Variants in SMG6 observed in about 807,000 individuals in gnomAD.
SMG6 encodes the protein SMG6 nonsense mediated mRNA decay factor.
In SMG6, 66 loss-of-function variants were observed where a neutral mutation model predicts 142.2. The ratio of observed to expected loss-of-function variants is 0.46; its 90% CI spans 0.38 to 0.57. The LOEUF (loss-of-function observed/expected upper bound fraction) is 0.57. Among genes scored for constraint, SMG6 ranks in the 20% least tolerant of loss-of-function variants. SMG6 has a pLI of 0.00. For synonymous variants in SMG6, 779 were observed against 702.4 expected, an observed-to-expected ratio of 1.11 and a Z score of -1.72; for missense variants, 1,793 against 1,832.0, an observed-to-expected ratio of 0.98 and a Z score of 0.39.
intron 15 of SMG6, 115 bp from the exon 16 acceptor site, chr17:2,069,046 C>T (rs767979769): frequency 4.0e-5 from 41 of 1,033,022 alleles, no homozygotes; most frequent in Non-Finnish European, 5.7e-5. Flanking sequence ...TCTTCCCCTC[C>T]ACAGTAATAA....
At chr17:2,093,479 G>A (rs2068777822) in intron 13 of SMG6, among the ~76,000 whole-genome samples, 2 of 152,110 alleles carry the variant, frequency 1.3e-5, no homozygotes, top group Non-Finnish European at 2.9e-5. Context: ...AGATGCCTGG[G>A]CCCAGTAGGT....
chr17:2,299,392 C>A lies in SMG6; in HGVS notation c.1361G>T (p.Arg454Leu), dbSNP rs569275000. 25 of 1,613,754 alleles carry A rather than the reference C, an allele frequency of 1.5e-5. No individual in the cohort carries two copies. The highest frequency in any genetic ancestry group is 2.7e-5 in the African/African-American group (2 of 74,892). Residue 454 changes from arginine to leucine, a missense_variant, in exon 2 of 19, where the codon CGA becomes CTA. Around this residue, in one of 3 missense-constraint regions of SMG6, gnomAD observed 1,597 missense variants for 1,584.6 expected, o/e 1.01. Transcript: ENST00000263073. This position sits in a 1 kb window ranked among gnomAD's most constrained non-coding sequence, Gnocchi z 4.3. ...ATCAGGATTGTTTGGGTCCCACAAT[C>A]GGCGTGTGGTGCCTCCACGGCCCCA... ...RSWGRGGTTR[R>L]LWDPNNPDQK...
intron 9 of SMG6, among the ~76,000 whole-genome samples, chr17:2,243,420 G>C (rs535223624): frequency 2.6e-5 from 4 of 152,270 alleles, no homozygotes; most frequent in African/African-American, 9.6e-5. Context: ...GTGGTTCACG[G>C]CTGTAATCCC....
At chr17:2,082,431 C>T (rs1476972861) in intron 14 of SMG6, 3 of 162,494 alleles carry the variant, frequency 1.8e-5, no homozygotes, top group South Asian at 1.7e-4. Context: ...TGGAAGTTCC[C>T]TTGCCGCAGA....
chr17:2,207,644 T>C (rs1421297174), intron 10 of SMG6, among the ~76,000 whole-genome samples: 1 of 152,100 alleles, frequency 6.6e-6, no homozygotes, highest in Non-Finnish European at 1.5e-5. Flanking sequence ...AACACAAATG[T>C]ATGGATATAA....
intron 8 of SMG6, among the ~76,000 whole-genome samples, chr17:2,245,602 C>T (rs1469584726): frequency 6.6e-6 from 1 of 152,248 alleles, no homozygotes; most frequent in Non-Finnish European, 1.5e-5. Flanking sequence ...CCAGGCTGGT[C>T]TCCAACTCCT....
intron 13 of SMG6, among the ~76,000 whole-genome samples, chr17:2,161,469 T>C (rs979416502): frequency 6.6e-6 from 1 of 151,568 alleles, no homozygotes; most frequent in African/African-American, 2.4e-5. Context: ...TGGAGTGCAA[T>C]GGTGCGACCT....
chr17:2,073,038 G>A (rs765069630), intron 15 of SMG6: 2 of 152,246 alleles, frequency 1.3e-5, no homozygotes, highest in African/African-American at 4.8e-5. Flanking sequence ...AACTGGGGAT[G>A]AGGAGGGGTG....
chr17:2,165,837 C>T (rs528215929), intron 13 of SMG6, among the ~76,000 whole-genome samples: 2 of 152,068 alleles, frequency 1.3e-5, no homozygotes, highest in Non-Finnish European at 2.9e-5. Context: ...CCCAGGAGGT[C>T]GAGACTGCAG....
intron 10 of SMG6, among the ~76,000 whole-genome samples, chr17:2,197,318 C>T (rs760463055): frequency 2.0e-5 from 3 of 152,036 alleles, no homozygotes; most frequent in Non-Finnish European, 2.9e-5. Context: ...AATTCCAGCA[C>T]GCTGGGAGGC....
chr17:2,125,326 C>T (rs1204605783), intron 13 of SMG6, among the ~76,000 whole-genome samples: 2 of 152,218 alleles, frequency 1.3e-5, no homozygotes, highest in South Asian at 2.1e-4. Context: ...CATCCTGAGA[C>T]CAATGATGAT....
rs778898404 is a variant in SMG6, at chr17:2,244,641, A to G, written c.2723+17T>C. 6.3e-7 allele frequency: 1 copy of G among 1,597,472 alleles called. No homozygotes were observed. Among genetic ancestry groups the G allele is most frequent in the Non-Finnish European group, 8.6e-7 (1 of 1,165,040 alleles). ...CTTGTAATGTAGGAAAATAAAATAAACATCCTGCACACTTACCCAATCCGG... is the reference window on the plus strand; with the variant it reads ...CTTGTAATGTAGGAAAATAAAATAAGCATCCTGCACACTTACCCAATCCGG... On this transcript the variant is annotated intron_variant, in intron 9 of 18. Transcript: ENST00000263073.
At chr17:2,135,175 C>G (rs1202539973) in intron 13 of SMG6, among the ~76,000 whole-genome samples, 2 of 152,202 alleles carry the variant, frequency 1.3e-5, no homozygotes, top group African/African-American at 4.8e-5. Flanking sequence ...CCACTGCACC[C>G]AGCCTAATAG....
At chr17:2,235,276 T>C (rs1043187595) in intron 10 of SMG6, among the ~76,000 whole-genome samples, 3 of 152,176 alleles carry the variant, frequency 2.0e-5, no homozygotes, top group African/African-American at 4.8e-5. Flanking sequence ...CTGCTGGGAA[T>C]TCTAAACGCT....
chr17:2,097,978 GCTT>G (rs1399815076), intron 13 of SMG6, among the ~76,000 whole-genome samples: 1 of 152,078 alleles, frequency 6.6e-6, no homozygotes, highest in African/African-American at 2.4e-5. Context: ...TAAACTGTGA[GCTT>G]CTTTTTTCCT....
rs2074820848 is a variant in SMG6 at position 2,282,879 on chromosome 17, A to G, written c.2449-20T>C. 2.5e-6 allele frequency: 4 copies of G among 1,611,930 alleles called. No homozygotes were observed. Among genetic ancestry groups the G allele is most frequent in the Non-Finnish European group, 3.4e-6 (4 of 1,178,098 alleles). The stretch of plus-strand genomic sequence containing the variant: ...TTCTGCCTATATAACATACAAACAC[A>G]TTAGCTCATGGCCTGGTGTGGTGGC... On this transcript the variant is annotated intron_variant, in intron 7 of 18. Transcript: ENST00000263073.
intron 8 of SMG6, among the ~76,000 whole-genome samples, chr17:2,266,959 G>A (rs887964451): frequency 2.6e-5 from 4 of 152,068 alleles, no homozygotes; most frequent in African/African-American, 9.7e-5. Flanking sequence ...ATCCCACTAA[G>A]CTGTTTCTCA....
Position 2,303,625 on chromosome 17 carries a change from C to T in SMG6, c.88+8G>A, listed in dbSNP as rs2075342030. 1 of 1,453,182 alleles carries T rather than the reference C, an allele frequency of 6.9e-7. No homozygotes were observed. 90.0% of individuals were successfully genotyped at this position (1,453,182 alleles called of 1,614,324 possible). ...GGCCCGGCCCAGGAGCTGGGCGGCG[C>T]GACTCACCTCTGCTCCCGGCCTGCG... On this transcript the variant is annotated splice_region_variant and intron_variant, in intron 1 of 18. Coordinates refer to ENST00000263073, the MANE Select transcript of SMG6 (RefSeq NM_017575.5).
chr17:2,154,002 A>G (rs1440615937), intron 13 of SMG6, among the ~76,000 whole-genome samples: 14 of 91,142 alleles, frequency 1.5e-4, no homozygotes, highest in South Asian at 4.1e-4. Context: ...GTGACTGGGG[A>G]AACCTGGGGA....
Sources: allele counts gnomAD v4.1 joint callset (sites outside exome capture counted in the v4.1 genomes callset), GRCh38; gene constraint gnomAD v4.1.1; regional missense constraint gnomAD v4.1.1; non-coding constraint Gnocchi (gnomAD v3.1); transcripts MANE v1.5; gene names NCBI Gene and HGNC (gene_info 2026-07-23, HGNC 2026-07-21).